SF3B2: variants seen among roughly 807,000 people sequenced by gnomAD.
The protein encoded by SF3B2 is SAP 145.
A neutral mutation model predicts 116.3 loss-of-function variants in SF3B2; 22 were observed. The ratio of observed to expected loss-of-function variants is 0.19; its 90% CI spans 0.14 to 0.27. SF3B2 has a LOEUF of 0.27. Among genes scored for constraint, SF3B2 ranks in the 10% least tolerant of loss-of-function variants. The probability of loss-of-function intolerance (pLI) is 1.00; values close to 1 mark genes in which losing one functional copy is unlikely to be tolerated. For missense variants in SF3B2, 767 were observed against 1,151.4 expected (o/e 0.67, Z 4.83); for synonymous variants, 406 against 421.6 (o/e 0.96, Z 0.45).
intron 19 of SF3B2, chr11:66,067,485 T>G (rs1299468253): frequency 2.2e-6 from 1 of 456,416 alleles, no homozygotes; most frequent in Non-Finnish European, 4.4e-6. Context: ...GTTCCTAGTG[T>G]AATCCTTGAA....
chr11:66,068,388 G>C, intron 21 of SF3B2, 55 bp downstream of exon 21: 2 of 1,507,116 alleles, frequency 1.3e-6, no homozygotes, highest in Non-Finnish European at 8.9e-7. Context: ...CTGGCCTGCC[G>C]TTTTCAGTGG....
chr11:66,060,783 C>G (rs1857089770), intron 14 of SF3B2, 52 bp downstream of exon 14: 1 of 1,561,626 alleles, frequency 6.4e-7, no homozygotes, highest in African/African-American at 1.4e-5. Context: ...TTGAGACTGT[C>G]TAGGGCTTTT....
Position 66,057,968 on chromosome 11 carries a change from G to A in SF3B2, c.778-86G>A, listed in dbSNP as rs1383597361. The A allele has an allele frequency of 3.9e-5, 38 of 970,290 alleles. 1 individual carries two copies. Among genetic ancestry groups the A allele is most frequent in the Non-Finnish European group, 4.9e-5 (33 of 679,280 alleles). 60.1% of individuals were successfully genotyped at this position (970,290 alleles called of 1,614,324 possible). ...GCCTGGGCAACAAGAGCAAAACTCC[G>A]TCTCAAAAAAAAAAAAAAGAAAGAA... On this transcript the variant is annotated intron_variant, in intron 7 of 21. Coordinates refer to ENST00000322535, the MANE Select transcript of SF3B2 (RefSeq NM_006842.3).
In SF3B2 at chr11:66,055,126, G is replaced by T; in HGVS notation, c.309G>T (p.Gln103His). 1 of 1,564,002 alleles carries T rather than the reference G, an allele frequency of 6.4e-7. No individual in the cohort carries two copies. The highest frequency in any genetic ancestry group is 8.7e-7 in the Non-Finnish European group (1 of 1,150,324). The change falls in exon 4 of 22, where the codon CAG becomes CAT. Residue 103 changes from glutamine (Q) to histidine (H), a missense_variant. Physicochemically the swap from Gln to His is conservative, Grantham distance 24. Around this residue, in one of 4 missense-constraint regions of SF3B2, gnomAD observed 455 missense variants for 537.5 expected, o/e 0.85. Coordinates refer to ENST00000322535, the MANE Select transcript of SF3B2 (RefSeq NM_006842.3). Reference protein sequence around the residue: ...PPPPLGLPPLQPPPPPPPPPP... With the variant: ...PPPPLGLPPLHPPPPPPPPPP... ...CACCTTTGGGACTCCCCCCTCTGCA[G>T]CCTCCTCCGCCACCCCCACCACCTC...
chr11:66,053,883 A>T (rs1856940595), intron 3 of SF3B2: 1 of 143,598 alleles, frequency 7.0e-6, no homozygotes, highest in African/African-American at 2.6e-5. Context: ...AAACCAAAAA[A>T]TAGGAAAAAA....
rs1301111610 is a variant in SF3B2, at chr11:66,055,196, T to C, written c.379T>C (p.Leu127=). 4.3e-6 allele frequency: 7 copies of C among 1,612,136 alleles called. No homozygotes were observed. In the South Asian group the frequency reaches 5.5e-5, roughly 13 times the overall value. Residue 127 remains leucine (L), a synonymous_variant, in exon 4 of 22, where the codon TTG becomes CTG. Coordinates refer to ENST00000322535, the MANE Select transcript of SF3B2 (RefSeq NM_006842.3). The part of the protein sequence containing the change: ...LGFPMAHPPN[L]GPPPPLRVGE... ...CTTTCCTATGGCCCACCCACCAAAT[T>C]TGGGGCCCCCGCCTCCTCTCCGTGT... is the stretch of plus-strand genomic sequence containing the variant.
chr11:66,055,386 C>G (rs1276817103), intron 4 of SF3B2, 71 bp downstream of exon 4: 19 of 1,586,988 alleles, frequency 1.2e-5, no homozygotes, highest in East Asian at 2.2e-5. Flanking sequence ...TTAGAGAAAG[C>G]TGGGTCCTAG....
At chr11:66,060,982 G>C (rs1188468505) in intron 14 of SF3B2, among the ~76,000 whole-genome samples, 1 of 152,072 alleles carries the variant, frequency 6.6e-6, no homozygotes, top group Non-Finnish European at 1.5e-5. Context: ...CTTTGGTAGA[G>C]ACAGGGTTTC....
At chr11:66,068,373 G>T in intron 21 of SF3B2, 40 bp downstream of exon 21, 1 of 1,513,918 alleles carries the variant, frequency 6.6e-7, no homozygotes, top group South Asian at 1.3e-5. Context: ...TGAGAGCCAG[G>T]GACCCTGGCC....
At chr11:66,052,780 C>T (rs1856908525) in intron 2 of SF3B2, 61 bp downstream of exon 2, 4 of 1,496,104 alleles carry the variant, frequency 2.7e-6, no homozygotes, top group Non-Finnish European at 3.6e-6. Flanking sequence ...CTTATATACC[C>T]CATCACGGCT....
Position 66,056,972 on chromosome 11 carries a change from G to C in SF3B2, c.667+17G>C. ...GTCCTCGAGGTGAGACCCTGGAACC[G>C]AGGGGAAGGGCAAGGAAGGTGATTT... On this transcript the variant is annotated intron_variant, in intron 6 of 21. Transcript: ENST00000322535. 6.4e-7 allele frequency: 1 copy of C among 1,560,346 alleles called. No homozygotes were observed. Among genetic ancestry groups the C allele is most frequent in the Non-Finnish European group, 8.8e-7 (1 of 1,131,084 alleles).
Position 66,063,393 on chromosome 11 carries a change from C to T in SF3B2, c.2086-7C>T, listed in dbSNP as rs532858548. On this transcript the variant is annotated splice_polypyrimidine_tract_variant and splice_region_variant and intron_variant, in intron 17 of 21. Transcript: ENST00000322535. ...CATTTGTTGAATGATAAAGTGATCT[C>T]TTTCAGACCAAGACTGAGGAAGAAG... 6.2e-6 allele frequency: 10 copies of T among 1,608,448 alleles called. No homozygotes were observed. In the South Asian group the frequency reaches 8.8e-5, roughly 14 times the overall value.
chr11:66,052,803 T>C (rs1856909253), intron 2 of SF3B2, 84 bp downstream of exon 2: 1 of 1,446,108 alleles, frequency 6.9e-7, no homozygotes, highest in South Asian at 1.4e-5. Context: ...GTCTTCATTC[T>C]TTCTTTATCT....
At chr11:66,068,632 G>T (rs758612108) in intron 21 of SF3B2, 42 bp from the exon 22 acceptor site, 2 of 1,580,688 alleles carry the variant, frequency 1.3e-6, no homozygotes, top group South Asian at 2.2e-5. Flanking sequence ...GTCCGGGGGT[G>T]GTTCAACCTG....
Position 66,060,748 on chromosome 11 carries a change from G to A in SF3B2, c.1779+17G>A, listed in dbSNP as rs746213641. 3 of 1,613,586 alleles carry A rather than the reference G, an allele frequency of 1.9e-6. No homozygotes were observed. The African/African-American group carries it at 4.0e-5, about 22-fold the overall frequency. ...TACTATGAGGTTCGGGAGGGGGCTGGGAGAGGTCAGGCTGGGCCTTGGGGT... is the reference window on the plus strand; with the variant it reads ...TACTATGAGGTTCGGGAGGGGGCTGAGAGAGGTCAGGCTGGGCCTTGGGGT... On this transcript the variant is annotated intron_variant, in intron 14 of 21. Transcript: ENST00000322535.
Position 66,069,283 on chromosome 11 carries a change from C to T in SF3B2, c.*538C>T, listed in dbSNP as rs1857246860. The T allele has an allele frequency of 2.3e-6, 1 of 429,446 alleles. No individual in the cohort carries two copies. Among genetic ancestry groups the T allele is most frequent in the African/African-American group, 2.0e-5 (1 of 49,558 alleles). 26.6% of individuals were successfully genotyped at this position (429,446 alleles called of 1,614,324 possible). A position where few individuals can be genotyped will look rare whatever the true frequency, so the allele number is the denominator to read the frequency against. ...AGTCCTTACCTGTGCGACAACATAG[C>T]TCAAAAGCTAAATTGTCTTGAGTCC... On this transcript the variant is annotated 3_prime_UTR_variant, in exon 22 of 22. Coordinates refer to ENST00000322535, the MANE Select transcript of SF3B2 (RefSeq NM_006842.3).
chr11:66,054,508 A>G (rs1157248713), intron 3 of SF3B2, among the ~76,000 whole-genome samples: 1 of 151,260 alleles, frequency 6.6e-6, no homozygotes, highest in Non-Finnish European at 1.5e-5. Flanking sequence ...GCTTGAATAC[A>G]AGGAAGACTG....
Position 66,056,920 on chromosome 11 carries a change from G to T in SF3B2, c.632G>T (p.Gly211Val). Reference protein sequence around the residue: ...TPVPRPPQDMGQIGVRTPLGP... With the variant: ...TPVPRPPQDMVQIGVRTPLGP... ...GTCCCTCGGCCCCCACAAGACATGG[G>T]CCAGATTGGTGTGCGCACTCCTCTG... Residue 211 changes from glycine to valine, a missense_variant, in exon 6 of 22, where the codon GGC becomes GTC. By Grantham distance (109) the Gly-to-Val change is moderately radical. Around this residue, in one of 4 missense-constraint regions of SF3B2, gnomAD observed 455 missense variants for 537.5 expected, o/e 0.85. Coordinates refer to ENST00000322535, the MANE Select transcript of SF3B2 (RefSeq NM_006842.3). The T allele has an allele frequency of 6.2e-7, 1 of 1,614,142 alleles. No individual in the cohort carries two copies.
In SF3B2 at chr11:66,069,308, C is replaced by G; in HGVS notation, c.*563C>G. ...CTCAAAAGCTAAATTGTCTTGAGTC[C>G]ATATGAACCCTTGGGTTCAAGCAAC... On this transcript the variant is annotated 3_prime_UTR_variant, in exon 22 of 22. Transcript: ENST00000322535. The G allele has an allele frequency of 2.2e-6, 1 of 445,910 alleles. No homozygotes were observed. Among genetic ancestry groups the G allele is most frequent in the Non-Finnish European group, 4.6e-6 (1 of 218,578 alleles). 27.6% of individuals were successfully genotyped at this position (445,910 alleles called of 1,614,324 possible).
Sources: gnomAD v4.1 joint callset for allele counts (sites outside exome capture counted in the v4.1 genomes callset) on GRCh38, gnomAD v4.1.1 for gene constraint, gnomAD v4.1.1 regional missense constraint, MANE v1.5 for transcripts, NCBI Gene and HGNC (gene_info 2026-07-23, HGNC 2026-07-21) for gene names.